PCDHGB7: variants seen among roughly 807,000 people sequenced by gnomAD.
PCDHGB7 encodes the protein protocadherin gamma-B7.
PCDHGB7 carries 37 observed loss-of-function variants against 61.4 expected under a neutral mutation model. That is an observed-to-expected ratio of 0.60 (90% CI 0.46 to 0.79). The LOEUF (loss-of-function observed/expected upper bound fraction) is 0.79. PCDHGB7 is among the 30% of genes least tolerant of loss of function. The probability of loss-of-function intolerance (pLI) is 0.00; values close to 1 mark genes in which losing one functional copy is unlikely to be tolerated. For missense variants in PCDHGB7, 1,166 were observed against 1,202.5 expected (o/e 0.97, Z 0.45); for synonymous variants, 464 against 503.5 (o/e 0.92, Z 1.05).
chr5:141,429,374 TG>T (rs2097206438), intron 1 of PCDHGB7, among the ~76,000 whole-genome samples: 1 of 145,410 alleles, frequency 6.9e-6, no homozygotes, highest in South Asian at 2.2e-4. Context: ...ATGGAGAAAA[TG>T]TGTTTTTTTT....
At chr5:141,438,635 TACAC>T (rs56854727) in intron 1 of PCDHGB7, among the ~76,000 whole-genome samples, 720 of 33,094 alleles carry the variant, frequency 0.022, 7 homozygotes, top group Middle Eastern at 0.05. Context: ...TATATATATA[TACAC>T]ACACACACAC....
In PCDHGB7 at chr5:141,431,339, TTGG is replaced by T. The variant is rs750589924; in HGVS notation, c.2415+11068_2415+11070del. ...AGCCGACGGTAGTAAGTACCCCGAA[TTGG>T]TGCTGAAACGCGCCCTGGACCGCGA... is the stretch of plus-strand genomic sequence containing the variant. On this transcript the variant is annotated intron_variant, in intron 1 of 3. Coordinates refer to ENST00000398594, the MANE Select transcript of PCDHGB7 (RefSeq NM_018927.4). The surrounding 1 kb of genome is among the most constrained non-coding windows in gnomAD (Gnocchi z 4.8). 4 of 1,614,060 alleles carry T rather than the reference TTGG, an allele frequency of 2.5e-6. No individual in the cohort carries two copies. The Admixed American group carries it at 6.7e-5, about 27-fold the overall frequency.
chr5:141,428,063 C>T lies in PCDHGB7; in HGVS notation c.2415+7789C>T, dbSNP rs777477669. 12 of 1,609,054 alleles carry T rather than the reference C, an allele frequency of 7.5e-6. No individual in the cohort carries two copies. In the African/African-American group the frequency reaches 1.3e-4, roughly 18 times the overall value. ...TGGTGACCAAGGTGGTGGCGGTGGA[C>T]GCAGATTCGGGACACAACGCTTGGC... On this transcript the variant is annotated intron_variant, in intron 1 of 3. Coordinates refer to ENST00000398594, the MANE Select transcript of PCDHGB7 (RefSeq NM_018927.4).
intron 1 of PCDHGB7, among the ~76,000 whole-genome samples, chr5:141,473,466 G>A (rs1217251844): frequency 1.3e-5 from 2 of 151,738 alleles, no homozygotes; most frequent in East Asian, 1.9e-4. Flanking sequence ...TTAAAGTTGT[G>A]CCAAGTTCAA....
chr5:141,429,395 A>T (rs545207705), intron 1 of PCDHGB7, among the ~76,000 whole-genome samples: 166 of 152,126 alleles, frequency 1.1e-3, no homozygotes, highest in African/African-American at 3.8e-3. Flanking sequence ...TTTAAAAAAA[A>T]TTGAGATTAA....
At position 141,489,577 on chromosome 5, in the gene PCDHGB7, C is replaced by A. The variant is rs918238376; in HGVS notation, c.2416-5230C>A. The stretch of plus-strand genomic sequence containing the variant: ...GCCAGTGCAGGTGGTGACTGAACAC[C>A]CCCTGGAGCTAATCCGTGTAGAGGT... On this transcript the variant is annotated intron_variant, in intron 1 of 3. Coordinates refer to ENST00000398594, the MANE Select transcript of PCDHGB7 (RefSeq NM_018927.4). This position sits in a 1 kb window ranked among gnomAD's most constrained non-coding sequence, Gnocchi z 4.5. The A allele has an allele frequency of 6.2e-7, 1 of 1,613,894 alleles. No individual in the cohort carries two copies. The highest frequency in any genetic ancestry group is 8.5e-7 in the Non-Finnish European group (1 of 1,180,000).
At chr5:141,463,650 A>C (rs1206605758) in intron 1 of PCDHGB7, among the ~76,000 whole-genome samples, 1 of 151,746 alleles carries the variant, frequency 6.6e-6, no homozygotes, top group Non-Finnish European at 1.5e-5. Flanking sequence ...ACGGGGTTTC[A>C]CCGTGTTAGC....
intron 1 of PCDHGB7, chr5:141,442,378 GGT>G (rs2098320015): frequency 6.6e-6 from 1 of 152,334 alleles, no homozygotes; most frequent in Middle Eastern, 3.4e-3. Context: ...ATTCCTACCA[GGT>G]GTGTGCTTCT....
At chr5:141,471,361 CT>C (rs2099255928) in intron 1 of PCDHGB7, 1 of 151,976 alleles carries the variant, frequency 6.6e-6, no homozygotes, top group Non-Finnish European at 1.5e-5. Flanking sequence ...TCCAAGCCCC[CT>C]ATTTTTATTT....
intron 1 of PCDHGB7, among the ~76,000 whole-genome samples, chr5:141,451,284 G>C (rs950768919): frequency 2.6e-5 from 4 of 152,186 alleles, no homozygotes; most frequent in African/African-American, 9.7e-5. Flanking sequence ...GAGTGCCTCT[G>C]CCTCAAAGTC....
chr5:141,460,430 G>T (rs1163518139), intron 1 of PCDHGB7, among the ~76,000 whole-genome samples: 2 of 152,110 alleles, frequency 1.3e-5, no homozygotes, highest in African/African-American at 4.8e-5. Flanking sequence ...ATGGTGTATG[G>T]TGTGAGGTAA....
At chr5:141,464,116 T>A (rs1195883274) in intron 1 of PCDHGB7, among the ~76,000 whole-genome samples, 1 of 151,922 alleles carries the variant, frequency 6.6e-6, no homozygotes, top group African/African-American at 2.4e-5. Context: ...AATACAAAAA[T>A]TAGCTGGGTG....
chr5:141,489,804 G>A lies in PCDHGB7; in HGVS notation c.2416-5003G>A, dbSNP rs2099692572. 1 of 1,614,056 alleles carries A rather than the reference G, an allele frequency of 6.2e-7. No homozygotes were observed. The highest frequency in any genetic ancestry group is 1.3e-5 in the African/African-American group (1 of 74,932). ...TGAATGTGAAGACCCTAAAAGATGG[G>A]AAGCCATTCCCAGAGCTGGTGCTAG... On this transcript the variant is annotated intron_variant, in intron 1 of 3. Transcript: ENST00000398594. The surrounding 1 kb of genome is among the most constrained non-coding windows in gnomAD (Gnocchi z 4.5).
In PCDHGB7 at chr5:141,419,699, C is replaced by A. The variant is rs1488905080; in HGVS notation, c.1840C>A (p.Pro614Thr). The A allele has an allele frequency of 6.2e-7, 1 of 1,612,924 alleles. No individual in the cohort carries two copies. The change falls in exon 1 of 4, where the codon CCC (proline) becomes ACC (threonine). Residue 614 changes from proline to threonine, a missense_variant. Physicochemically the swap from Pro to Thr is conservative, Grantham distance 38 (BLOSUM62 -1). Transcript: ENST00000398594. ...CTACCACGTGGTGCAGGCCAGTGAGCCCGGGCTCTTCAGCCTGGGGCTGCG... is the reference window on the plus strand; with the variant it reads ...CTACCACGTGGTGCAGGCCAGTGAGACCGGGCTCTTCAGCCTGGGGCTGCG... ...LSYHVVQASEPGLFSLGLRTG... is the reference protein window; with the variant it reads ...LSYHVVQASETGLFSLGLRTG...
chr5:141,451,740 G>A (rs370710201), intron 1 of PCDHGB7, among the ~76,000 whole-genome samples: 1 of 152,108 alleles, frequency 6.6e-6, no homozygotes, highest in Non-Finnish European at 1.5e-5. Context: ...AAATTAGCTG[G>A]TCTGGTGGTG....
intron 1 of PCDHGB7, chr5:141,423,684 T>TA (rs1412198122): frequency 1.3e-6 from 2 of 1,524,644 alleles, no homozygotes; most frequent in Non-Finnish European, 1.8e-6. Context: ...CTCTGCCTCC[T>TA]AATTGTTGGT....
At position 141,431,363 on chromosome 5, in the gene PCDHGB7, C is replaced by T. The variant is rs765751691; in HGVS notation, c.2415+11089C>T. On this transcript the variant is annotated intron_variant, in intron 1 of 3. Transcript: ENST00000398594. The surrounding 1 kb of genome is among the most constrained non-coding windows in gnomAD (Gnocchi z 4.8). The stretch of plus-strand genomic sequence containing the variant: ...ATTGGTGCTGAAACGCGCCCTGGAC[C>T]GCGAAGAAAAGGCTGCTCACCACCT... 1 of 1,614,024 alleles carries T rather than the reference C, an allele frequency of 6.2e-7. No homozygotes were observed. The highest frequency in any genetic ancestry group is 2.2e-5 in the East Asian group (1 of 44,882).
chr5:141,460,388 G>T (rs1425099375), intron 1 of PCDHGB7, among the ~76,000 whole-genome samples: 1 of 151,774 alleles, frequency 6.6e-6, no homozygotes, highest in East Asian at 1.9e-4. Context: ...TTATAATTTG[G>T]TCTATGAATC....
At chr5:141,507,786 G>A (rs536470814) in intron 3 of PCDHGB7, among the ~76,000 whole-genome samples, 3 of 152,292 alleles carry the variant, frequency 2.0e-5, no homozygotes, top group East Asian at 1.9e-4. Context: ...CCTGACCCTC[G>A]TCTAAGCCTG....
Sources: allele counts gnomAD v4.1 joint callset (sites outside exome capture counted in the v4.1 genomes callset), GRCh38; gene constraint gnomAD v4.1.1; non-coding constraint Gnocchi (gnomAD v3.1); transcripts MANE v1.5; gene names NCBI Gene and HGNC (gene_info 2026-07-23, HGNC 2026-07-21).